Variants in CYP2C8 observed in about 807,000 individuals in gnomAD.
The protein encoded by CYP2C8 is cytochrome P450 family 2 subfamily C member 8.
CYP2C8 carries 51 observed loss-of-function variants against 41.3 expected under a neutral mutation model. The observed-to-expected ratio is 1.24, with a 90% CI of 0.99 to 1.56. The LOEUF (loss-of-function observed/expected upper bound fraction) is 1.56, where lower values mean the gene tolerates loss of function less well. CYP2C8 is among the 40% of genes most tolerant of loss of function. CYP2C8 has a pLI of 0.00. For synonymous variants in CYP2C8, 218 were observed against 205.8 expected (o/e 1.06, Z -0.51); for missense variants, 651 against 579.9 (o/e 1.12, Z -1.26).
intron 3 of CYP2C8, among the ~76,000 whole-genome samples, chr10:95,066,149 AGAGAGTGTGTGTGTGT>A (rs1299368263): frequency 5.2e-5 from 6 of 116,402 alleles, no homozygotes; most frequent in Non-Finnish European, 1.0e-4. Context: ...AGAGAGAGAG[AGAGAGTGTGTGTGTGT>A]GTGTGTGTGT....
chr10:95,052,688 G>A (rs1024004254), intron 5 of CYP2C8, among the ~76,000 whole-genome samples: 4 of 151,866 alleles, frequency 2.6e-5, no homozygotes, highest in East Asian at 1.9e-4. Context: ...AATAAAGAAC[G>A]AAAGCATATG....
Position 95,042,884 on chromosome 10 carries a change from G to A in CYP2C8, c.1149+6C>T, listed in dbSNP as rs760009863. The A allele has an allele frequency of 1.9e-6, 3 of 1,611,318 alleles. No homozygotes were observed. Among genetic ancestry groups the A allele is most frequent in the Non-Finnish European group, 2.5e-6 (3 of 1,177,448 alleles). ...CAGAAATATAGTGTAAGAGAAACAA[G>A]CTTACCTTGGGGATGAGGTAGTTTC... On this transcript the variant is annotated splice_donor_region_variant and intron_variant, in intron 7 of 8. Transcript: ENST00000371270.
chr10:95,048,393 C>T (rs2033150270), intron 5 of CYP2C8, among the ~76,000 whole-genome samples: 1 of 152,182 alleles, frequency 6.6e-6, no homozygotes, highest in African/African-American at 2.4e-5. Context: ...CTGGGCCTAA[C>T]TGTCCTCTGG....
chr10:95,045,302 T>G (rs2033085241), intron 6 of CYP2C8, among the ~76,000 whole-genome samples: 2 of 152,182 alleles, frequency 1.3e-5, no homozygotes, highest in Admixed American at 6.5e-5. Flanking sequence ...TCTGCTTAAA[T>G]AGAAACACCT....
chr10:95,066,093 G>T (rs1403855917), intron 3 of CYP2C8, among the ~76,000 whole-genome samples: 2 of 149,356 alleles, frequency 1.3e-5, no homozygotes, highest in East Asian at 3.9e-4. Flanking sequence ...AGCCAAGGGG[G>T]TGAAAGGTAA....
In CYP2C8 at chr10:95,037,089, A is replaced by G. The variant is rs1564732241; in HGVS notation, c.*39T>C. On this transcript the variant is annotated 3_prime_UTR_variant, in exon 9 of 9. Coordinates refer to ENST00000371270, the MANE Select transcript of CYP2C8 (RefSeq NM_000770.3). Reference sequence around the variant, plus strand: ...ATGTCCTTGATAAAAAAAGAGTTGCAGGTGATAGCAGATCGGCAGCCAGAT... The same window carrying G: ...ATGTCCTTGATAAAAAAAGAGTTGCGGGTGATAGCAGATCGGCAGCCAGAT... 1.9e-6 allele frequency: 3 copies of G among 1,575,746 alleles called. No individual in the cohort carries two copies. Among genetic ancestry groups the G allele is most frequent in the African/African-American group, 2.7e-5 (2 of 74,190 alleles).
At chr10:95,050,873 TA>T (rs2033201399) in intron 5 of CYP2C8, among the ~76,000 whole-genome samples, 1 of 131,560 alleles carries the variant, frequency 7.6e-6, no homozygotes, top group Non-Finnish European at 1.8e-5. Context: ...GAAGGATGTG[TA>T]CAAAAAAAAC....
chr10:95,067,807 GA>G (rs1313349288), intron 1 of CYP2C8, 116 bp from the exon 2 acceptor site: 7 of 1,101,028 alleles, frequency 6.4e-6, no homozygotes, highest in Non-Finnish European at 9.3e-6. Context: ...GCCACACATA[GA>G]TTCGATATTT....
chr10:95,060,506 A>G (rs932103613), intron 4 of CYP2C8, among the ~76,000 whole-genome samples: 1 of 152,166 alleles, frequency 6.6e-6, no homozygotes, highest in African/African-American at 2.4e-5. Flanking sequence ...ATCCCGAGAC[A>G]TTGCTGAAGT....
intron 6 of CYP2C8, 152 bp from the exon 7 acceptor site, chr10:95,043,229 A>G: frequency 1.5e-6 from 1 of 687,824 alleles, no homozygotes; most frequent in Admixed American, 2.4e-5. Flanking sequence ...TATAAAAAGA[A>G]TTACCATAAT....
At chr10:95,045,154 G>A (rs1891073) in intron 6 of CYP2C8, among the ~76,000 whole-genome samples, 104,482 of 152,148 alleles carry the variant, frequency 0.69, 36,606 homozygotes, top group Middle Eastern at 0.84. Flanking sequence ...TTTACTCTAA[G>A]GGTAAATTGT....
chr10:95,066,167 T>A (rs868363242), intron 3 of CYP2C8, among the ~76,000 whole-genome samples: 4,969 of 143,024 alleles, frequency 0.035, 143 homozygotes, highest in African/African-American at 0.086. Flanking sequence ...TGTGTGTGTG[T>A]GTGTGTGTGT....
At chr10:95,067,747 A>G in intron 1 of CYP2C8, 56 bp from the exon 2 acceptor site, 1 of 1,510,532 alleles carries the variant, frequency 6.6e-7, no homozygotes, top group Non-Finnish European at 9.2e-7. Flanking sequence ...TCCAAATACT[A>G]TGTATGATTC....
intron 7 of CYP2C8, among the ~76,000 whole-genome samples, chr10:95,041,503 C>T (rs1024960933): frequency 6.6e-6 from 1 of 152,148 alleles, no homozygotes; most frequent in Non-Finnish European, 1.5e-5. Context: ...TGTGCAAGGC[C>T]GGGCGCGGTG....
intron 4 of CYP2C8, 111 bp from the exon 5 acceptor site, chr10:95,058,622 T>C: frequency 2.0e-6 from 2 of 1,007,664 alleles, no homozygotes; most frequent in Non-Finnish European, 2.9e-6. Flanking sequence ...CATGTCCATT[T>C]TGAAGGGAAA....
chr10:95,063,694 CT>C (rs1187112063), intron 4 of CYP2C8, among the ~76,000 whole-genome samples: 1 of 152,214 alleles, frequency 6.6e-6, no homozygotes, highest in Non-Finnish European at 1.5e-5. Flanking sequence ...AGCTGCATTC[CT>C]TTGGAGGAGG....
At chr10:95,040,661 A>G (rs1028335353) in intron 7 of CYP2C8, among the ~76,000 whole-genome samples, 12 of 152,192 alleles carry the variant, frequency 7.9e-5, no homozygotes, top group African/African-American at 2.9e-4. Flanking sequence ...CCTACAGTCA[A>G]TTTTTGACTG....
chr10:95,045,980 C>A (rs746787887), intron 5 of CYP2C8, 29 bp from the exon 6 acceptor site: 1 of 1,612,710 alleles, frequency 6.2e-7, no homozygotes, highest in Non-Finnish European at 8.5e-7. Context: ...AATTATCTGA[C>A]AAATTATGTG....
At chr10:95,066,773 T>C (rs919854506) in intron 3 of CYP2C8, among the ~76,000 whole-genome samples, 2 of 152,180 alleles carry the variant, frequency 1.3e-5, no homozygotes, top group African/African-American at 4.8e-5. Flanking sequence ...AAAGCACATA[T>C]AACTTGGTTC....
Sources: gnomAD v4.1 joint callset for allele counts (sites outside exome capture counted in the v4.1 genomes callset) on GRCh38, gnomAD v4.1.1 for gene constraint, MANE v1.5 for transcripts, NCBI Gene and HGNC (gene_info 2026-07-23, HGNC 2026-07-21) for gene names.